Variants in CD6 observed in about 807,000 individuals in gnomAD.
CD6 encodes T-cell differentiation antigen CD6.
Under a neutral mutation model 75.3 loss-of-function variants are expected in CD6, and 53 were observed. The observed-to-expected ratio is 0.70, with a 90% CI of 0.56 to 0.88. The LOEUF is 0.88. Among genes scored for constraint, CD6 ranks in the 40% least tolerant of loss-of-function variants. CD6 has a pLI of 0.00. For synonymous variants in CD6, 359 were observed against 381.5 expected, an observed-to-expected ratio of 0.94 and a Z score of 0.69; for missense variants, 770 against 897.1, an observed-to-expected ratio of 0.86 and a Z score of 1.81.
chr11:61,005,768 C>T (rs1858817606), intron 1 of CD6, among the ~76,000 whole-genome samples: 1 of 152,030 alleles, frequency 6.6e-6, no homozygotes, highest in Non-Finnish European at 1.5e-5. Context: ...CCCGTCTCTA[C>T]TAAAAATACA....
chr11:60,988,942 C>T (rs553466427), intron 1 of CD6, among the ~76,000 whole-genome samples: 1 of 152,308 alleles, frequency 6.6e-6, no homozygotes, highest in South Asian at 2.1e-4. Flanking sequence ...CTCCAGCCTG[C>T]AGAAACCTAG....
chr11:61,008,953 T>C (rs1859014751), intron 4 of CD6, 108 bp downstream of exon 4: 1 of 956,940 alleles, frequency 1.0e-6, no homozygotes, highest in Non-Finnish European at 1.5e-6. Context: ...GCCCTTGAGA[T>C]GTCACAGTTC....
intron 1 of CD6, among the ~76,000 whole-genome samples, chr11:60,998,064 T>A (rs1188732633): frequency 1.3e-5 from 2 of 152,176 alleles, no homozygotes; most frequent in Admixed American, 6.6e-5. Flanking sequence ...AGATTTCCCA[T>A]CTATATTGAC....
intron 1 of CD6, among the ~76,000 whole-genome samples, chr11:61,000,751 C>T (rs537552741): frequency 2.0e-5 from 3 of 152,262 alleles, no homozygotes; most frequent in Non-Finnish European, 2.9e-5. Flanking sequence ...ATCAGTGTCC[C>T]GTTCCGTTTT....
chr11:61,014,213 G>A (rs1414747624), intron 8 of CD6, among the ~76,000 whole-genome samples, 199 bp downstream of exon 8: 1 of 152,226 alleles, frequency 6.6e-6, no homozygotes, highest in Non-Finnish European at 1.5e-5. Context: ...TTCCAGTTCA[G>A]TCATGCTAGG....
In CD6 at chr11:61,009,612, C is replaced by A; in HGVS notation, c.822C>A (p.Cys274Ter). The part of the protein sequence containing the change: ...SWRLTGGADR[C>*]EGQVEVHFRG... ...GCCTGACAGGGGGCGCTGACCGCTG[C>A]GAGGGGCAGGTGGAGGTACACTTCC... Residue 274 changes from cysteine (C) to a stop codon, truncating the protein, a stop_gained, in exon 5 of 13, where the codon TGC becomes TGA. Transcript: ENST00000313421. LOFTEE classifies it high-confidence loss of function. 1.2e-6 allele frequency: 2 copies of A among 1,612,526 alleles called. No individual in the cohort carries two copies. The highest frequency in any genetic ancestry group is 1.7e-6 in the Non-Finnish European group (2 of 1,179,470).
chr11:61,017,844 T>A lies in CD6; in HGVS notation c.1668T>A (p.Tyr556Ter). Residue 556 changes from tyrosine to a stop codon, truncating the protein, a stop_gained, in exon 11 of 13, where the codon TAT becomes TAA. Transcript: ENST00000313421. LOFTEE classifies it high-confidence loss of function. Reference sequence around the variant, plus strand: ...ACCCGCCATCCCTGGGCCCTCAGTATCACCCGAGGAGCAACAGTGAGTCGA... The same window carrying A: ...ACCCGCCATCCCTGGGCCCTCAGTAACACCCGAGGAGCAACAGTGAGTCGA... ...ITDPPSLGPQYHPRSNSESST... is the reference protein window; with the variant it reads ...ITDPPSLGPQ 1 of 1,614,064 alleles carries A rather than the reference T, an allele frequency of 6.2e-7. No individual in the cohort carries two copies. The highest frequency in any genetic ancestry group is 8.5e-7 in the Non-Finnish European group (1 of 1,179,996).
At chr11:60,990,335 C>T (rs1013112584) in intron 1 of CD6, among the ~76,000 whole-genome samples, 3 of 152,180 alleles carry the variant, frequency 2.0e-5, no homozygotes, top group Non-Finnish European at 2.9e-5. Context: ...AGTGATTCTC[C>T]TGTCTCAGCC....
chr11:60,975,762 C>A (rs1456817000), intron 1 of CD6, among the ~76,000 whole-genome samples: 1 of 152,108 alleles, frequency 6.6e-6, no homozygotes, highest in East Asian at 1.9e-4. Context: ...CATTATTGTG[C>A]CACTTCACTC....
At chr11:61,004,044 C>A (rs1858724813) in intron 1 of CD6, among the ~76,000 whole-genome samples, 1 of 152,230 alleles carries the variant, frequency 6.6e-6, no homozygotes, top group South Asian at 2.1e-4. Flanking sequence ...GCTGACCCAG[C>A]CATGGGCCCT....
rs192125966 is a variant in CD6, at chr11:60,991,212, T to C, written c.50-15362T>C. ...GTTGTCCAGGCTGGAGTGCAATGGC[T>C]AAATCTCGGCTCACCGCAACCTCCA... On this transcript the variant is annotated intron_variant, in intron 1 of 12. Coordinates refer to ENST00000313421, the MANE Select transcript of CD6 (RefSeq NM_006725.5). 3.4e-3 allele frequency among the ~76,000 whole-genome samples: 471 copies of C among 140,516 alleles called. 7 individuals carry two copies. Among genetic ancestry groups the C allele is most frequent in the Non-Finnish European group, 2.4e-3 (156 of 65,892 alleles). 92.2% of individuals were successfully genotyped at this position (140,516 alleles called of 152,430 possible).
Position 61,017,366 on chromosome 11 carries a change from G to T in CD6, c.1511-113G>T, listed in dbSNP as rs765971832. On this transcript the variant is annotated intron_variant, in intron 9 of 12. Coordinates refer to ENST00000313421, the MANE Select transcript of CD6 (RefSeq NM_006725.5). Reference sequence around the variant, plus strand: ...CTAAGCCCTCTCTGCCTCCGGAGTTGTCCTCCCACCCTATTCAGCCTACCC... The same window carrying T: ...CTAAGCCCTCTCTGCCTCCGGAGTTTTCCTCCCACCCTATTCAGCCTACCC... 2.9e-4 allele frequency: 218 copies of T among 757,632 alleles called. 3 individuals carry two copies. Among genetic ancestry groups the T allele is most frequent in the South Asian group, 1.8e-3 (120 of 66,372 alleles). The allele number at this position is 757,632 out of a possible 1,614,324, so 46.9% of individuals were successfully genotyped here.
intron 1 of CD6, among the ~76,000 whole-genome samples, chr11:60,992,140 A>T (rs1316368997): frequency 6.6e-6 from 1 of 152,116 alleles, no homozygotes; most frequent in Non-Finnish European, 1.5e-5. Flanking sequence ...TTGGCCTCCC[A>T]AAGTGCTGGG....
chr11:60,982,687 T>C (rs998113476), intron 1 of CD6: 1 of 455,932 alleles, frequency 2.2e-6, no homozygotes, highest in Non-Finnish European at 4.4e-6. Flanking sequence ...CGGGATGGGA[T>C]TCTAGAAGTA....
chr11:60,990,237 G>A lies in CD6; in HGVS notation c.50-16337G>A, dbSNP rs181859514. ...ATGACATTTGTTTATTTGTTTATTT[G>A]CTTTTGAGATGGTGTCTCGCACTGT... is the stretch of plus-strand genomic sequence containing the variant. On this transcript the variant is annotated intron_variant, in intron 1 of 12. Transcript: ENST00000313421. Among the ~76,000 whole-genome samples, 79 of 152,220 alleles carry A rather than the reference G, an allele frequency of 5.2e-4. 1 individual carries two copies. The highest frequency in any genetic ancestry group is 1.5e-3 in the African/African-American group (63 of 41,556).
At chr11:60,997,228 A>T (rs1376640765) in intron 1 of CD6, among the ~76,000 whole-genome samples, 1 of 152,048 alleles carries the variant, frequency 6.6e-6, no homozygotes, top group Non-Finnish European at 1.5e-5. Flanking sequence ...GTATAAAAAA[A>T]GTAGCCAGGC....
chr11:60,979,053 G>A (rs1011704733), intron 1 of CD6, among the ~76,000 whole-genome samples: 7 of 152,240 alleles, frequency 4.6e-5, no homozygotes, highest in Admixed American at 4.6e-4. Flanking sequence ...TGAGGAAACT[G>A]AGGTTTAGCG....
At chr11:60,976,729 G>A (rs774189884) in intron 1 of CD6, among the ~76,000 whole-genome samples, 5 of 152,110 alleles carry the variant, frequency 3.3e-5, no homozygotes, top group South Asian at 2.1e-4. Flanking sequence ...TGATGGATGC[G>A]CTTGTGCCCT....
intron 7 of CD6, 117 bp from the exon 8 acceptor site, chr11:61,013,802 G>T: frequency 1.3e-6 from 1 of 771,688 alleles, no homozygotes; most frequent in Admixed American, 2.7e-5. Context: ...GCGCACATGT[G>T]CCTGCAAGTG....
Sources: gnomAD v4.1 joint callset for allele counts (sites outside exome capture counted in the v4.1 genomes callset) on GRCh38, gnomAD v4.1.1 for gene constraint, MANE v1.5 for transcripts, NCBI Gene and HGNC (gene_info 2026-07-23, HGNC 2026-07-21) for gene names.